Variants in GRID2 observed in about 807,000 individuals in gnomAD.
GRID2 encodes glutamate ionotropic receptor delta type subunit 2.
A neutral mutation model predicts 114.8 loss-of-function variants in GRID2; 33 were observed. The ratio of observed to expected loss-of-function variants is 0.29; its 90% CI spans 0.22 to 0.38. The LOEUF (loss-of-function observed/expected upper bound fraction) is 0.38, where lower values mean the gene tolerates loss of function less well. Ranked by LOEUF, GRID2 falls within the 10% of genes least tolerant of loss-of-function variation. The probability of loss-of-function intolerance (pLI) is 1.00; values close to 1 mark genes in which losing one functional copy is unlikely to be tolerated. For synonymous variants in GRID2, 505 were observed against 449.9 expected, an observed-to-expected ratio of 1.12 and a Z score of -1.55; for missense variants, 1,184 against 1,257.7, an observed-to-expected ratio of 0.94 and a Z score of 0.89.
chr4:92,926,520 C>G (rs771435043), intron 2 of GRID2, among the ~76,000 whole-genome samples: 1 of 151,800 alleles, frequency 6.6e-6, no homozygotes, highest in Non-Finnish European at 1.5e-5. Context: ...TATAAATATG[C>G]TATATACATC....
At chr4:93,332,287 T>TGAGA (rs1201414685) in intron 8 of GRID2, among the ~76,000 whole-genome samples, 5 of 119,416 alleles carry the variant, frequency 4.2e-5, no homozygotes, top group African/African-American at 1.6e-4. Context: ...TGTGTGTGTG[T>TGAGA]GTGTGTGTGT....
chr4:92,589,769 C>T (rs1347191892), intron 1 of GRID2, among the ~76,000 whole-genome samples: 2 of 152,070 alleles, frequency 1.3e-5, no homozygotes, highest in African/African-American at 4.8e-5. Flanking sequence ...GAGGTTATTT[C>T]CTTTTATTCA....
At chr4:92,892,093 T>C (rs1746830651) in intron 2 of GRID2, among the ~76,000 whole-genome samples, 1 of 152,112 alleles carries the variant, frequency 6.6e-6, no homozygotes, top group Non-Finnish European at 1.5e-5. Flanking sequence ...GATGGAGTTT[T>C]GCTCTTGTTG....
chr4:93,378,481 T>G (rs150941536), intron 8 of GRID2, among the ~76,000 whole-genome samples: 1 of 152,260 alleles, frequency 6.6e-6, no homozygotes, highest in Non-Finnish European at 1.5e-5. Context: ...CAGGTTCATT[T>G]ACTCTGGATT....
chr4:92,306,584 T>G (rs2110102416), intron 1 of GRID2, among the ~76,000 whole-genome samples: 1 of 152,352 alleles, frequency 6.6e-6, no homozygotes, highest in African/African-American at 2.4e-5. Flanking sequence ...AGGGAAAGCC[T>G]GTGGAAGAAT....
chr4:92,388,413 C>A (rs1730082042), intron 1 of GRID2, among the ~76,000 whole-genome samples: 1 of 151,944 alleles, frequency 6.6e-6, no homozygotes, highest in South Asian at 2.1e-4. Context: ...TGAGCTACCA[C>A]CTCATTTACC....
intron 5 of GRID2, among the ~76,000 whole-genome samples, chr4:93,213,632 A>T (rs998648252): frequency 2.6e-5 from 4 of 152,170 alleles, no homozygotes; most frequent in Non-Finnish European, 5.9e-5. Context: ...CTAAATTGGC[A>T]TCTGATCCAA....
At chr4:92,766,947 T>G (rs1738298002) in intron 2 of GRID2, among the ~76,000 whole-genome samples, 2 of 152,008 alleles carry the variant, frequency 1.3e-5, no homozygotes, top group African/African-American at 4.8e-5. Context: ...TTACTAGGAC[T>G]TTTTAAGTCT....
At chr4:92,516,488 A>G (rs960108739) in intron 1 of GRID2, among the ~76,000 whole-genome samples, 3 of 151,866 alleles carry the variant, frequency 2.0e-5, no homozygotes, top group African/African-American at 7.2e-5. Flanking sequence ...TCAAATTACA[A>G]TCAGTTCACA....
At chr4:93,778,599 T>C (rs1011237907), downstream of GRID2, among the ~76,000 whole-genome samples, 1 of 152,104 alleles carries the variant, frequency 6.6e-6, no homozygotes, top group Non-Finnish European at 1.5e-5. Flanking sequence ...GGTTTCACCA[T>C]GTTGGGCAGG....
Position 92,827,183 on chromosome 4 carries a change from T to C in GRID2, c.244+236897T>C, listed in dbSNP as rs918111128. On this transcript the variant is annotated intron_variant, in intron 2 of 15. Transcript: ENST00000282020. ...AGTCAAATACCAAGGGATTTGCAAG[T>C]GTTAGGCAATTAAACTATTCTATTT... is the stretch of plus-strand genomic sequence containing the variant. Among the ~76,000 whole-genome samples, 6 of 152,144 alleles carry C rather than the reference T, an allele frequency of 3.9e-5. No homozygotes were observed. In the South Asian group the frequency reaches 6.2e-4, roughly 16 times the overall value.
chr4:93,681,519 A>C lies in GRID2; in HGVS notation c.2360+55084A>C, dbSNP rs373064496. On this transcript the variant is annotated intron_variant, in intron 14 of 15. Transcript: ENST00000282020. ...AAAGCTGGAGGCATCATGCTACCTG[A>C]CTTCAAACTATACTACAAGGCTACA... Among the ~76,000 whole-genome samples, 21 of 152,024 alleles carry C rather than the reference A, an allele frequency of 1.4e-4. No homozygotes were observed. In the East Asian group the frequency reaches 3.7e-3, roughly 27 times the overall value.
intron 2 of GRID2, among the ~76,000 whole-genome samples, chr4:92,906,738 C>T (rs1747986973): frequency 6.6e-6 from 1 of 152,078 alleles, no homozygotes; most frequent in African/African-American, 2.4e-5. Context: ...CCTGCCTCAG[C>T]CACACGAGTA....
In GRID2 at chr4:93,492,451, C is replaced by T. The variant is rs149785935; in HGVS notation, c.1997+1674C>T. ...AACTGCATCATGTTAGTTCCCACAC[C>T]ACACTTGAACTTGAATTTCTGTATG... On this transcript the variant is annotated intron_variant, in intron 12 of 15. Coordinates refer to ENST00000282020, the MANE Select transcript of GRID2 (RefSeq NM_001510.4). Among the ~76,000 whole-genome samples the T allele has an allele frequency of 8.6e-5, 13 of 151,906 alleles. No individual in the cohort carries two copies. In the East Asian group the frequency reaches 2.5e-3, roughly 30 times the overall value.
chr4:92,766,430 G>C (rs1034344725), intron 2 of GRID2, among the ~76,000 whole-genome samples: 3 of 151,662 alleles, frequency 2.0e-5, no homozygotes, highest in Non-Finnish European at 4.4e-5. Flanking sequence ...CCAGCTACTC[G>C]GGAGGCTGAG....
chr4:92,910,479 T>C (rs989585713), intron 2 of GRID2, among the ~76,000 whole-genome samples: 2 of 152,308 alleles, frequency 1.3e-5, no homozygotes, highest in South Asian at 2.1e-4. Flanking sequence ...ATTTAAAAAA[T>C]AATTCTAGAA....
chr4:93,164,724 C>T (rs1738081082), intron 4 of GRID2: 1 of 437,482 alleles, frequency 2.3e-6, no homozygotes, highest in Non-Finnish European at 4.7e-6. Flanking sequence ...TTTTTCCTTT[C>T]ATTTTTCAGA....
At chr4:93,479,094 A>T (rs76436754) in intron 11 of GRID2, among the ~76,000 whole-genome samples, 11,525 of 151,970 alleles carry the variant, frequency 0.076, 604 homozygotes, top group Non-Finnish European at 0.12. Context: ...GAGTCACACA[A>T]TTTTTTTTAA....
rs1465616253 is a variant in GRID2, at chr4:93,716,725, T to G, written c.2361-52485T>G. Reference sequence around the variant, plus strand: ...ATACATACTTAAATATTAAGTTAGCTCTCCCTCCTTCACTAATACTAGTCA... The same window carrying G: ...ATACATACTTAAATATTAAGTTAGCGCTCCCTCCTTCACTAATACTAGTCA... On this transcript the variant is annotated intron_variant, in intron 14 of 15. Transcript: ENST00000282020. 1.1e-4 allele frequency among the ~76,000 whole-genome samples: 16 copies of G among 152,166 alleles called. No individual in the cohort carries two copies. The East Asian group carries it at 2.9e-3, about 27-fold the overall frequency.
Sources: gnomAD v4.1 joint callset for allele counts (sites outside exome capture counted in the v4.1 genomes callset) on GRCh38, gnomAD v4.1.1 for gene constraint, MANE v1.5 for transcripts, NCBI Gene and HGNC (gene_info 2026-07-23, HGNC 2026-07-21) for gene names.